The following DAB1 variants were observed in gnomAD, a reference collection of about 807,000 sequenced individuals.
DAB1 encodes the protein DAB adaptor protein 1.
A neutral mutation model predicts 64.6 loss-of-function variants in DAB1; 15 were observed. The ratio of observed to expected loss-of-function variants is 0.23; its 90% confidence interval spans 0.16 to 0.36. The LOEUF is 0.36. Among genes scored for constraint, DAB1 ranks in the 10% least tolerant of loss-of-function variants. DAB1 has a pLI of 1.00. For synonymous variants in DAB1, 235 were observed against 251.9 expected, an observed-to-expected ratio of 0.93 and a Z score of 0.64; for missense variants, 596 against 706.7, an observed-to-expected ratio of 0.84 and a Z score of 1.78.
intron 4 of DAB1, among the ~76,000 whole-genome samples, chr1:58,299,765 A>G (rs1168215378): frequency 1.3e-5 from 2 of 152,138 alleles, no homozygotes; most frequent in African/African-American, 2.4e-5. Flanking sequence ...GGAGGATTAA[A>G]CACTTCTGCT....
intron 5 of DAB1, among the ~76,000 whole-genome samples, chr1:57,943,542 A>G (rs1645134441): frequency 6.6e-6 from 1 of 152,154 alleles, no homozygotes; most frequent in Non-Finnish European, 1.5e-5. Context: ...GCATCATTCC[A>G]CATGCCTGTG....
intron 5 of DAB1, among the ~76,000 whole-genome samples, chr1:57,964,798 T>C (rs186332842): frequency 3.5e-4 from 53 of 152,144 alleles, no homozygotes; most frequent in Non-Finnish European, 1.5e-5. Context: ...ATAAAATCTA[T>C]TGAAAACAAG....
intron 4 of DAB1, among the ~76,000 whole-genome samples, chr1:58,294,656 G>A (rs191534592): frequency 2.6e-5 from 4 of 152,056 alleles, no homozygotes; most frequent in Non-Finnish European, 4.4e-5. Context: ...CATGATATAG[G>A]CTGCAATGGG....
At chr1:57,489,797 T>C (rs1269586921) in intron 7 of DAB1, among the ~76,000 whole-genome samples, 1 of 152,158 alleles carries the variant, frequency 6.6e-6, no homozygotes, top group Non-Finnish European at 1.5e-5. Flanking sequence ...CACAGCAAAA[T>C]TGAAGGTATG....
At chr1:57,269,740 C>T (rs1457031872) in intron 2 of DAB1, among the ~76,000 whole-genome samples, 1 of 151,998 alleles carries the variant, frequency 6.6e-6, no homozygotes, top group East Asian at 1.9e-4. Context: ...TTTCCAGACA[C>T]CAGGGAGATG....
chr1:58,287,605 A>G (rs954805790), intron 4 of DAB1, among the ~76,000 whole-genome samples: 1 of 152,148 alleles, frequency 6.6e-6, no homozygotes, highest in Admixed American at 6.5e-5. Flanking sequence ...TTTAAGAGCA[A>G]CTGCCTCAAG....
intron 6 of DAB1, among the ~76,000 whole-genome samples, chr1:57,666,059 C>T (rs1646444104): frequency 6.6e-6 from 1 of 151,950 alleles, no homozygotes; most frequent in Non-Finnish European, 1.5e-5. Context: ...GAATATTTGC[C>T]CATTTAACTG....
At position 57,406,104 on chromosome 1, in the gene DAB1, G is replaced by T. The variant is rs1393717249; in HGVS notation, c.-137+17826C>A. ...TGTGATGGCACATGCCTCCAACTTT[G>T]TCATGGTCCCCTGATGGAGAACGTT... is the stretch of plus-strand genomic sequence containing the variant. On this transcript the variant is annotated intron_variant, in intron 1 of 14. Coordinates refer to ENST00000371236, the MANE Select transcript of DAB1 (RefSeq NM_001365792.1). 2.0e-5 allele frequency among the ~76,000 whole-genome samples: 3 copies of T among 152,188 alleles called. No individual in the cohort carries two copies. In the East Asian group the frequency reaches 5.8e-4, roughly 29 times the overall value.
intron 4 of DAB1, among the ~76,000 whole-genome samples, chr1:58,165,811 C>T: frequency 6.6e-6 from 1 of 152,186 alleles, no homozygotes; most frequent in East Asian, 1.9e-4. Flanking sequence ...AATGGGCAGA[C>T]AGGAGGTCCT....
At chr1:57,956,197 A>C (rs1174426285) in intron 5 of DAB1, among the ~76,000 whole-genome samples, 1 of 152,218 alleles carries the variant, frequency 6.6e-6, no homozygotes, top group Non-Finnish European at 1.5e-5. Flanking sequence ...AGAAACTGGC[A>C]GCACACTCAA....
chr1:58,282,616 A>AAAG (rs55786157), intron 4 of DAB1, among the ~76,000 whole-genome samples: 1 of 150,712 alleles, frequency 6.6e-6, no homozygotes, highest in Non-Finnish European at 1.5e-5. Context: ...AAAAAAAAAA[A>AAAG]GGAGTGTGGG....
intron 7 of DAB1, among the ~76,000 whole-genome samples, chr1:57,598,340 A>T (rs6669761): frequency 0.43 from 65,965 of 152,214 alleles, 16,288 homozygotes; most frequent in Non-Finnish European, 0.55. Flanking sequence ...ACCACAGATA[A>T]TCCTGACTCC....
At chr1:58,113,864 C>T (rs998427317) in intron 5 of DAB1, among the ~76,000 whole-genome samples, 3 of 151,462 alleles carry the variant, frequency 2.0e-5, no homozygotes, top group African/African-American at 4.9e-5. Context: ...ATTTAATCTC[C>T]CAAGCATTAT....
intron 6 of DAB1, among the ~76,000 whole-genome samples, chr1:57,724,264 GA>G (rs551450933): frequency 0.015 from 1,900 of 129,494 alleles, 39 homozygotes; most frequent in African/African-American, 0.051. Context: ...GGGAGGGAGG[GA>G]AAAAGGAAGG....
At chr1:57,109,321 C>T (rs1400954260) in intron 4 of DAB1, among the ~76,000 whole-genome samples, 1 of 152,158 alleles carries the variant, frequency 6.6e-6, no homozygotes, top group East Asian at 1.9e-4. Flanking sequence ...CAATTTATGA[C>T]ATGAGTTTCC....
intron 6 of DAB1, among the ~76,000 whole-genome samples, chr1:57,676,286 C>A (rs534425053): frequency 1.3e-5 from 2 of 152,296 alleles, no homozygotes; most frequent in East Asian, 1.9e-4. Context: ...GAAGAGAAGA[C>A]CTTCTGTTCA....
At chr1:58,487,771 T>C (rs1308522619) in intron 3 of DAB1, among the ~76,000 whole-genome samples, 1 of 152,150 alleles carries the variant, frequency 6.6e-6, no homozygotes, top group Admixed American at 6.5e-5. Flanking sequence ...CTGCATCCAC[T>C]CTAGCAATTC....
chr1:57,826,272 T>C (rs1405754566), exon 2 of DAB1: 2 of 152,210 alleles, frequency 1.3e-5, no homozygotes, highest in African/African-American at 2.4e-5. Context: ...TGTATATAGA[T>C]AGTTATCTCC....
intron 2 of DAB1, among the ~76,000 whole-genome samples, chr1:57,163,579 G>A (rs979104857): frequency 6.6e-6 from 1 of 151,952 alleles, no homozygotes; most frequent in Non-Finnish European, 1.5e-5. Flanking sequence ...TGGGGGCGGC[G>A]GTACCTTATG....
Sources: gnomAD v4.1 joint callset for allele counts (sites outside exome capture counted in the v4.1 genomes callset) on GRCh38, gnomAD v4.1.1 for gene constraint, MANE v1.5 for transcripts, NCBI Gene and HGNC (gene_info 2026-07-23, HGNC 2026-07-21) for gene names.